CDK4: variants seen among roughly 807,000 people sequenced by gnomAD.
CDK4 encodes cyclin-dependent kinase 4.
In CDK4, 13 loss-of-function variants were observed where a neutral mutation model predicts 36.7. The ratio of observed to expected loss-of-function variants is 0.35; its 90% CI spans 0.23 to 0.56. CDK4 has a LOEUF of 0.56. Ranked by LOEUF, CDK4 falls within the 20% of genes least tolerant of loss-of-function variation. CDK4 has a pLI of 0.85. For missense variants in CDK4, 285 were observed against 387.3 expected (o/e 0.74, Z 2.22); for synonymous variants, 158 against 146.4 (o/e 1.08, Z -0.57).
At position 57,748,631 on chromosome 12, in the gene CDK4, C is replaced by T; in HGVS notation, c.820-14G>A. 1 of 1,585,694 alleles carries T rather than the reference C, an allele frequency of 6.3e-7. No individual in the cohort carries two copies. Among genetic ancestry groups the T allele is most frequent in the South Asian group, 1.1e-5 (1 of 90,514 alleles). On this transcript the variant is annotated splice_polypyrimidine_tract_variant and intron_variant, in intron 7 of 7. Coordinates refer to ENST00000257904, the MANE Select transcript of CDK4 (RefSeq NM_000075.4). ...AGTCAGCATTTCCTGAGGGGAGAGGCAAAGGTCAGAAAACCATGAAGAAAA... is the reference window on the plus strand; with the variant it reads ...AGTCAGCATTTCCTGAGGGGAGAGGTAAAGGTCAGAAAACCATGAAGAAAA...
At chr12:57,752,004 G>A in intron 1 of CDK4, 171 bp downstream of exon 1, 1 of 502,966 alleles carries the variant, frequency 2.0e-6, no homozygotes, top group Non-Finnish European at 3.6e-6. Flanking sequence ...CACATGCCTT[G>A]CATCGAAGAT....
Position 57,751,164 on chromosome 12 carries a change from A to G in CDK4, c.354+43T>C. The G allele has an allele frequency of 1.2e-6, 2 of 1,614,086 alleles. No individual in the cohort carries two copies. Reference sequence around the variant, plus strand: ...CTGAAATCCCAGAAGGTTCTACTACAAAGGTCCCAATCCACCTCTCAATGC... The same window carrying G: ...CTGAAATCCCAGAAGGTTCTACTACGAAGGTCCCAATCCACCTCTCAATGC... On this transcript the variant is annotated intron_variant, in intron 3 of 7. Transcript: ENST00000257904. The surrounding 1 kb of genome is among the most constrained non-coding windows in gnomAD (Gnocchi z 4.5).
At chr12:57,750,628 G>T in intron 5 of CDK4, 28 bp downstream of exon 5, 1 of 1,449,892 alleles carries the variant, frequency 6.9e-7, no homozygotes, top group South Asian at 1.1e-5. Flanking sequence ...GGGAATTCAA[G>T]GTAGTCCAGG....
At chr12:57,749,367 C>G (rs2140383403) in intron 6 of CDK4, 50 bp from the exon 7 acceptor site, 1 of 1,613,546 alleles carries the variant, frequency 6.2e-7, no homozygotes, top group Non-Finnish European at 8.5e-7. Context: ...AGTTCCCATC[C>G]CCATGGGCAG....
Position 57,749,337 on chromosome 12 carries a change from T to C in CDK4, c.684-20A>G, listed in dbSNP as rs1309254843. 6.2e-7 allele frequency: 1 copy of C among 1,614,052 alleles called. No homozygotes were observed. The highest frequency in any genetic ancestry group is 1.3e-5 in the African/African-American group (1 of 74,940). On this transcript the variant is annotated intron_variant, in intron 6 of 7. Coordinates refer to ENST00000257904, the MANE Select transcript of CDK4 (RefSeq NM_000075.4). ...ATCAGGCTGTGGGGGACAGGAGAACTCTGGTCAGGAGGGTCCTCCAGTTCC... is the reference window on the plus strand; with the variant it reads ...ATCAGGCTGTGGGGGACAGGAGAACCCTGGTCAGGAGGGTCCTCCAGTTCC...
rs1238304177 is a variant in CDK4, at chr12:57,751,920, GC to G, written c.-19-185del. 1.7e-4 allele frequency: 102 copies of G among 610,152 alleles called. No individual in the cohort carries two copies. The highest frequency in any genetic ancestry group is 1.2e-5 in the Non-Finnish European group (4 of 344,508). 37.8% of individuals were successfully genotyped at this position (610,152 alleles called of 1,614,324 possible). On this transcript the variant is annotated intron_variant, in intron 1 of 7. Transcript: ENST00000257904. This position sits in a 1 kb window ranked among gnomAD's most constrained non-coding sequence, Gnocchi z 4.5. ...CAATGACTCAATACCAACCCCTCCAGCCACGTGAGGCCCTGCAATAGAAAAC... is the reference window on the plus strand; with the variant it reads ...CAATGACTCAATACCAACCCCTCCAGCACGTGAGGCCCTGCAATAGAAAAC...
rs563404067 is a variant in CDK4 at position 57,748,311 on chromosome 12, G to A, written c.*214C>T. The A allele has an allele frequency of 2.3e-4, 133 of 577,006 alleles. 1 individual carries two copies. The South Asian group carries it at 2.3e-3, about 10-fold the overall frequency. The allele number at this position is 577,006 out of a possible 1,614,324, so 35.7% of individuals were successfully genotyped here. On this transcript the variant is annotated 3_prime_UTR_variant, in exon 8 of 8. Coordinates refer to ENST00000257904, the MANE Select transcript of CDK4 (RefSeq NM_000075.4). Reference sequence around the variant, plus strand: ...ATAAAGGTAGGGAAAGGGACAAGAGGGAACATACCCCTTAGTGTAGAGAAA... The same window carrying A: ...ATAAAGGTAGGGAAAGGGACAAGAGAGAACATACCCCTTAGTGTAGAGAAA...
intron 5 of CDK4, chr12:57,750,184 TAAATAAATAAATAAA>T (rs1358101794): frequency 2.0e-5 from 3 of 149,522 alleles, no homozygotes; most frequent in African/African-American, 7.4e-5. Context: ...AATAAATAAA[TAAATAAATAAATAAA>T]AAATAAAGAG....
At chr12:57,749,101 A>G (rs1393988991) in intron 7 of CDK4, 81 bp downstream of exon 7, 1 of 1,553,808 alleles carries the variant, frequency 6.4e-7, no homozygotes, top group African/African-American at 1.4e-5. Context: ...CATTAACCAC[A>G]GTGGCCAGGG....
Position 57,750,908 on chromosome 12 carries a change from C to T in CDK4, c.522+15G>A, listed in dbSNP as rs745794165. On this transcript the variant is annotated intron_variant, in intron 4 of 7. Transcript: ENST00000257904. The stretch of plus-strand genomic sequence containing the variant: ...TCCCAACCAGAACCCATTTTGGTAC[C>T]ATCTTTCTACTGACCACGGGTGTAA... The T allele has an allele frequency of 1.9e-6, 3 of 1,614,048 alleles. No homozygotes were observed. Among genetic ancestry groups the T allele is most frequent in the Middle Eastern group, 1.6e-4 (1 of 6,084 alleles).
Position 57,748,510 on chromosome 12 carries a change from C to G in CDK4, c.*15G>C. 6.3e-7 allele frequency: 1 copy of G among 1,585,714 alleles called. No individual in the cohort carries two copies. Among genetic ancestry groups the G allele is most frequent in the Non-Finnish European group, 8.7e-7 (1 of 1,154,396 alleles). On this transcript the variant is annotated 3_prime_UTR_variant, in exon 8 of 8. Transcript: ENST00000257904. ...ATGGCAGCTTTTCTTCCTTCCATGGCAGCCACTCCATTGCTCACTCCGGAT... is the reference window on the plus strand; with the variant it reads ...ATGGCAGCTTTTCTTCCTTCCATGGGAGCCACTCCATTGCTCACTCCGGAT...
chr12:57,752,215 G>C lies in CDK4; in HGVS notation c.-60C>G, dbSNP rs541752163. The C allele has an allele frequency of 1.9e-3, 481 of 250,036 alleles. 1 individual carries two copies. Among genetic ancestry groups the C allele is most frequent in the Non-Finnish European group, 3.0e-3 (380 of 126,854 alleles). 15.5% of individuals were successfully genotyped at this position (250,036 alleles called of 1,614,324 possible). A position where few individuals can be genotyped will look rare whatever the true frequency, so the allele number is the denominator to read the frequency against. ...GGTGCTGTGGGGGCGGCCCGTTATC[G>C]GGGCCCCGGAGCCGGTTCCTACGGC... On this transcript the variant is annotated 5_prime_UTR_variant, in exon 1 of 8. Coordinates refer to ENST00000257904, the MANE Select transcript of CDK4 (RefSeq NM_000075.4).
chr12:57,751,711 T>A lies in CDK4; in HGVS notation c.7A>T (p.Thr3Ser), dbSNP rs2140388808. 6.2e-7 allele frequency: 1 copy of A among 1,613,714 alleles called. No individual in the cohort carries two copies. The highest frequency in any genetic ancestry group is 8.5e-7 in the Non-Finnish European group (1 of 1,179,920). The change falls in exon 2 of 8, where the codon ACC becomes TCC. Residue 3 changes from threonine to serine, a missense_variant. Physicochemically the swap from Thr to Ser is moderately conservative, Grantham distance 58 (BLOSUM62 1). Transcript: ENST00000257904. This position sits in a 1 kb window ranked among gnomAD's most constrained non-coding sequence, Gnocchi z 4.5. Reference sequence around the variant, plus strand: ...TCAGCCACTGGCTCATATCGAGAGGTAGCCATTCTCAGATCAAGGGAGACC... The same window carrying A: ...TCAGCCACTGGCTCATATCGAGAGGAAGCCATTCTCAGATCAAGGGAGACC... MA[T>S]SRYEPVAEIG...
rs1239323324 is a variant in CDK4 at position 57,751,183 on chromosome 12, T to A, written c.354+24A>T. On this transcript the variant is annotated intron_variant, in intron 3 of 7. Transcript: ENST00000257904. This position sits in a 1 kb window ranked among gnomAD's most constrained non-coding sequence, Gnocchi z 4.5. The stretch of plus-strand genomic sequence containing the variant: ...TACTACAAAGGTCCCAATCCACCTC[T>A]CAATGCCTACCAACCCCACTCACCT... The A allele has an allele frequency of 6.2e-7, 1 of 1,614,130 alleles. No homozygotes were observed. The highest frequency in any genetic ancestry group is 8.5e-7 in the Non-Finnish European group (1 of 1,180,006).
rs146863045 is a variant in CDK4 at position 57,747,747 on chromosome 12, C to CTT, written c.*776_*777dup. 13 of 151,408 alleles carry CTT rather than the reference C, an allele frequency of 8.6e-5. 1 individual carries two copies. Among genetic ancestry groups the CTT allele is most frequent in the South Asian group, 2.1e-4 (1 of 4,846 alleles). 9.4% of individuals were successfully genotyped at this position (151,408 alleles called of 1,614,324 possible). On this transcript the variant is annotated 3_prime_UTR_variant, in exon 8 of 8. Transcript: ENST00000257904. ...TAAAAGCCATTTAAAAATCTATATT[C>CTT]TTTTTTTTTTTTTGACACAGAGTCT...
Position 57,749,326 on chromosome 12 carries a change from G to T in CDK4, c.684-9C>A, listed in dbSNP as rs1565805752. On this transcript the variant is annotated splice_polypyrimidine_tract_variant and intron_variant, in intron 6 of 7. Coordinates refer to ENST00000257904, the MANE Select transcript of CDK4 (RefSeq NM_000075.4). ...GAGGCAGCCCAATCAGGCTGTGGGG[G>T]ACAGGAGAACTCTGGTCAGGAGGGT... is the stretch of plus-strand genomic sequence containing the variant. The T allele has an allele frequency of 4.3e-6, 7 of 1,614,196 alleles. No individual in the cohort carries two copies. Among genetic ancestry groups the T allele is most frequent in the Non-Finnish European group, 5.9e-6 (7 of 1,180,016 alleles).
rs1955188582 is a variant in CDK4 at position 57,748,632 on chromosome 12, A to T, written c.820-15T>A. 1.3e-6 allele frequency: 2 copies of T among 1,573,740 alleles called. No individual in the cohort carries two copies. The highest frequency in any genetic ancestry group is 2.7e-5 in the African/African-American group (2 of 74,066). ...GTCAGCATTTCCTGAGGGGAGAGGCAAAGGTCAGAAAACCATGAAGAAAAC... is the reference window on the plus strand; with the variant it reads ...GTCAGCATTTCCTGAGGGGAGAGGCTAAGGTCAGAAAACCATGAAGAAAAC... On this transcript the variant is annotated splice_polypyrimidine_tract_variant and intron_variant, in intron 7 of 7. Transcript: ENST00000257904.
rs1396066642 is a variant in CDK4 at position 57,748,459 on chromosome 12, T to C, written c.*66A>G. On this transcript the variant is annotated 3_prime_UTR_variant, in exon 8 of 8. Transcript: ENST00000257904. ...ATAGCCTCAGAGATAAAGGCAAAGATTGCCCTCTCAGTGTCCAGAAGGGAA... is the reference window on the plus strand; with the variant it reads ...ATAGCCTCAGAGATAAAGGCAAAGACTGCCCTCTCAGTGTCCAGAAGGGAA... The C allele has an allele frequency of 6.1e-6, 7 of 1,145,928 alleles. No homozygotes were observed. The highest frequency in any genetic ancestry group is 7.9e-6 in the Non-Finnish European group (6 of 755,292). 71.0% of individuals were successfully genotyped at this position (1,145,928 alleles called of 1,614,324 possible).
Position 57,751,439 on chromosome 12 carries a change from C to A in CDK4, c.218+61G>T, listed in dbSNP as rs2140387908. ...CCCACTTCTCTACAGATCATCACACCCCACCTATAGGCTGTCTTTTCCCTT... is the reference window on the plus strand; with the variant it reads ...CCCACTTCTCTACAGATCATCACACACCACCTATAGGCTGTCTTTTCCCTT... On this transcript the variant is annotated intron_variant, in intron 2 of 7. Coordinates refer to ENST00000257904, the MANE Select transcript of CDK4 (RefSeq NM_000075.4). The surrounding 1 kb of genome is among the most constrained non-coding windows in gnomAD (Gnocchi z 4.5). 2 of 1,608,380 alleles carry A rather than the reference C, an allele frequency of 1.2e-6. No individual in the cohort carries two copies. Among genetic ancestry groups the A allele is most frequent in the Non-Finnish European group, 8.5e-7 (1 of 1,175,172 alleles).
Sources: allele counts gnomAD v4.1 joint callset, GRCh38; gene constraint gnomAD v4.1.1; non-coding constraint Gnocchi (gnomAD v3.1); transcripts MANE v1.5; gene names NCBI Gene and HGNC (gene_info 2026-07-23, HGNC 2026-07-21).